The following FOXP1 variants were observed in gnomAD, a reference collection of about 807,000 sequenced individuals.
FOXP1 encodes the protein forkhead box protein P1.
Under a neutral mutation model 98.2 loss-of-function variants are expected in FOXP1, and 15 were observed. The observed-to-expected ratio is 0.15, with a 90% CI of 0.10 to 0.24. The LOEUF (loss-of-function observed/expected upper bound fraction) is 0.24, where lower values mean the gene tolerates loss of function less well. FOXP1 is among the 10% of genes least tolerant of loss of function. FOXP1 has a pLI of 1.00. For synonymous variants in FOXP1, 371 were observed against 314.5 expected (o/e 1.18, Z -1.90); for missense variants, 633 against 848.5 (o/e 0.75, Z 3.15).
intron 14 of FOXP1, among the ~76,000 whole-genome samples, chr3:70,987,076 G>A (rs955960201): frequency 4.6e-5 from 7 of 152,154 alleles, no homozygotes; most frequent in African/African-American, 1.7e-4. Context: ...GATTGTCAAC[G>A]CTCAATTAAT....
chr3:71,308,337 C>T (rs900342962), intron 4 of FOXP1, among the ~76,000 whole-genome samples: 1 of 151,992 alleles, frequency 6.6e-6, no homozygotes, highest in Non-Finnish European at 1.5e-5. Context: ...TGATGAAACG[C>T]GAGAGCTATC....
intron 2 of FOXP1, among the ~76,000 whole-genome samples, chr3:71,544,840 T>C (rs2045227903): frequency 1.8e-5 from 1 of 54,236 alleles, no homozygotes; most frequent in Non-Finnish European, 4.2e-5. Context: ...TCAAGAAAGA[T>C]AATAGGGCTT....
chr3:71,310,982 T>C (rs1199297457), intron 4 of FOXP1, among the ~76,000 whole-genome samples: 2 of 152,238 alleles, frequency 1.3e-5, no homozygotes, highest in Admixed American at 1.3e-4. Flanking sequence ...AACAGATAAG[T>C]CGTATTAATT....
intron 5 of FOXP1, among the ~76,000 whole-genome samples, chr3:71,266,270 G>A (rs1229072458): frequency 1.3e-5 from 2 of 152,086 alleles, no homozygotes; most frequent in East Asian, 3.9e-4. Context: ...TTTTGAGACA[G>A]AGTCTCACTC....
At chr3:71,276,842 C>T (rs535209823) in intron 5 of FOXP1, among the ~76,000 whole-genome samples, 1 of 152,108 alleles carries the variant, frequency 6.6e-6, no homozygotes, top group African/African-American at 2.4e-5. Context: ...TACAGAACAA[C>T]AGAATTTATT....
chr3:71,429,004 C>T (rs1476557597), intron 3 of FOXP1, among the ~76,000 whole-genome samples: 1 of 152,230 alleles, frequency 6.6e-6, no homozygotes, highest in Non-Finnish European at 1.5e-5. Flanking sequence ...CTAGTGCCGA[C>T]ATGCAGACAG....
chr3:71,423,907 T>C (rs1260768684), intron 3 of FOXP1, among the ~76,000 whole-genome samples: 1 of 152,240 alleles, frequency 6.6e-6, no homozygotes, highest in African/African-American at 2.4e-5. Flanking sequence ...CGCAAGTCCA[T>C]AAAGATGCAC....
At position 71,000,857 on chromosome 3, in the gene FOXP1, C is replaced by G. The variant is rs1237499364; in HGVS notation, c.1062+115G>C. 3 of 438,480 alleles carry G rather than the reference C, an allele frequency of 6.8e-6. No individual in the cohort carries two copies. In the South Asian group the frequency reaches 1.3e-4, roughly 20 times the overall value. 27.2% of individuals were successfully genotyped at this position (438,480 alleles called of 1,614,324 possible). On this transcript the variant is annotated intron_variant, in intron 13 of 20. Coordinates refer to ENST00000649528, the MANE Select transcript of FOXP1 (RefSeq NM_001349338.3). ...AATAAAATAAAATAAAGGACAATGACAGGTTTTGGACCTTCCATTCAATAA... is the reference window on the plus strand; with the variant it reads ...AATAAAATAAAATAAAGGACAATGAGAGGTTTTGGACCTTCCATTCAATAA...
chr3:71,419,234 C>CAAAAAAAAA (rs36072859), intron 3 of FOXP1, among the ~76,000 whole-genome samples: 9 of 47,820 alleles, frequency 1.9e-4, no homozygotes, highest in African/African-American at 5.3e-4. Context: ...GACTCCATCT[C>CAAAAAAAAA]AAAAAAAAAA....
At position 71,416,588 on chromosome 3, in the gene FOXP1, A is replaced by ACACGCACACG. The variant is rs1553877006; in HGVS notation, c.-167-57345_-167-57344insCGTGTGCGTG. 2.2e-3 allele frequency among the ~76,000 whole-genome samples: 326 copies of ACACGCACACG among 147,694 alleles called. 1 individual carries two copies. Among genetic ancestry groups the ACACGCACACG allele is most frequent in the African/African-American group, 8.0e-3 (316 of 39,606 alleles). On this transcript the variant is annotated intron_variant, in intron 3 of 20. Coordinates refer to ENST00000649528, the MANE Select transcript of FOXP1 (RefSeq NM_001349338.3). ...CACACACACACACACACACACACACACACACGCAAAAAAAAATGACGTATG... is the reference window on the plus strand; with the variant it reads ...CACACACACACACACACACACACACACACGCACACGCACACGCAAAAAAAAATGACGTATG...
At chr3:70,960,486 C>G (rs140760274) in intron 20 of FOXP1, among the ~76,000 whole-genome samples, 2 of 152,312 alleles carry the variant, frequency 1.3e-5, no homozygotes, top group Non-Finnish European at 2.9e-5. Context: ...GTTCGTAAAT[C>G]ATATTTACAA....
At chr3:71,038,492 A>T (rs1421710851) in intron 11 of FOXP1, among the ~76,000 whole-genome samples, 2 of 152,200 alleles carry the variant, frequency 1.3e-5, no homozygotes, top group African/African-American at 4.8e-5. Context: ...GACTCCTGAG[A>T]CAACTGGCAC....
At chr3:71,480,145 C>T (rs748344763) in intron 3 of FOXP1, among the ~76,000 whole-genome samples, 2 of 152,130 alleles carry the variant, frequency 1.3e-5, no homozygotes, top group African/African-American at 4.8e-5. Context: ...GAGAAGATCG[C>T]GCCACTGCAC....
intron 7 of FOXP1, among the ~76,000 whole-genome samples, chr3:71,094,302 C>G (rs1257862300): frequency 2.5e-5 from 3 of 121,458 alleles, no homozygotes; most frequent in African/African-American, 6.6e-5. Context: ...TTTTTTGAGA[C>G]AGAGTCTCGC....
At chr3:70,983,263 A>C (rs1418052804) in intron 14 of FOXP1, among the ~76,000 whole-genome samples, 1 of 152,194 alleles carries the variant, frequency 6.6e-6, no homozygotes, top group Non-Finnish European at 1.5e-5. Context: ...CAAAAACAAA[A>C]AAATTCTAGT....
At chr3:71,017,901 A>G (rs1422231619) in intron 11 of FOXP1, among the ~76,000 whole-genome samples, 1 of 152,212 alleles carries the variant, frequency 6.6e-6, no homozygotes, top group East Asian at 1.9e-4. Context: ...TGCTCTTGAA[A>G]AATGCTACAT....
chr3:71,277,987 C>CA (rs2071092452), intron 5 of FOXP1, among the ~76,000 whole-genome samples: 1 of 151,950 alleles, frequency 6.6e-6, no homozygotes, highest in African/African-American at 2.4e-5. Flanking sequence ...AATATGTGAT[C>CA]AAAGCATGAG....
At chr3:71,491,029 A>T (rs796935684) in intron 3 of FOXP1, among the ~76,000 whole-genome samples, 22 of 152,156 alleles carry the variant, frequency 1.4e-4, no homozygotes, top group African/African-American at 4.3e-4. Context: ...TATTATTATT[A>T]TTTTGAGACG....
At chr3:71,168,258 C>CT (rs900691380) in intron 6 of FOXP1, among the ~76,000 whole-genome samples, 2 of 151,816 alleles carry the variant, frequency 1.3e-5, no homozygotes, top group Non-Finnish European at 2.9e-5. Context: ...TTAATCTGAC[C>CT]TTTACCTAAA....
Sources: allele counts gnomAD v4.1 joint callset (sites outside exome capture counted in the v4.1 genomes callset), GRCh38; gene constraint gnomAD v4.1.1; transcripts MANE v1.5; gene names NCBI Gene and HGNC (gene_info 2026-07-23, HGNC 2026-07-21).